Variants in TRDN observed in about 807,000 individuals in gnomAD.
The protein encoded by TRDN is triadin, also known as triadin in skeletal muscle.
Under a neutral mutation model 149.7 loss-of-function variants are expected in TRDN, and 161 were observed. The ratio of observed to expected loss-of-function variants is 1.08; its 90% CI spans 0.95 to 1.23. TRDN has a LOEUF of 1.23. Among genes scored for constraint, TRDN ranks in the 50% most tolerant of loss-of-function variants. TRDN has a pLI of 0.00. For missense variants in TRDN, 896 were observed against 823.5 expected (o/e 1.09, Z -1.08); for synonymous variants, 294 against 250.5 (o/e 1.17, Z -1.64).
At chr6:123,342,695 G>T (rs1211468384) in intron 21 of TRDN, among the ~76,000 whole-genome samples, 3 of 151,892 alleles carry the variant, frequency 2.0e-5, no homozygotes, top group African/African-American at 4.8e-5. Context: ...TTGAACCCAG[G>T]TTATGAGATG....
At chr6:123,498,089 C>G (rs1465571941) in intron 8 of TRDN, 10 of 156,452 alleles carry the variant, frequency 6.4e-5, no homozygotes, top group Non-Finnish European at 1.1e-4. Context: ...ATTGATGAAT[C>G]TTTACCGTAT....
At chr6:123,307,825 T>G (rs576167349) in intron 24 of TRDN, among the ~76,000 whole-genome samples, 2 of 152,180 alleles carry the variant, frequency 1.3e-5, no homozygotes, top group African/African-American at 4.8e-5. Context: ...TTCTCGGTTC[T>G]TTTCTTTTTT....
intron 23 of TRDN, among the ~76,000 whole-genome samples, chr6:123,329,983 C>T (rs6907537): frequency 0.02 from 2,992 of 151,986 alleles, 108 homozygotes; most frequent in African/African-American, 0.068. Flanking sequence ...TATATGTTGC[C>T]CCTGTCCCCA....
chr6:123,288,204 T>C (rs1025826559), intron 24 of TRDN, among the ~76,000 whole-genome samples: 17 of 152,120 alleles, frequency 1.1e-4, no homozygotes, highest in African/African-American at 2.2e-4. Flanking sequence ...GAGAAAGAAA[T>C]TGGGCTCTTA....
chr6:123,531,766 TTTTG>T, intron 4 of TRDN, among the ~76,000 whole-genome samples: 1 of 152,176 alleles, frequency 6.6e-6, no homozygotes, highest in East Asian at 1.9e-4. Context: ...TCTCTCACCA[TTTTG>T]TTTATTTCTT....
At chr6:123,393,419 C>T (rs1269113065) in intron 13 of TRDN, among the ~76,000 whole-genome samples, 1 of 151,948 alleles carries the variant, frequency 6.6e-6, no homozygotes, top group Admixed American at 6.6e-5. Flanking sequence ...TCAGCAGTTC[C>T]TCTGCAAATT....
rs1186052488 is a variant in TRDN at position 123,393,628 on chromosome 6, T to C, written c.1101A>G (p.Ala367=). Residue 367 remains alanine (A), a synonymous_variant, in exon 13 of 41, where the codon GCA becomes GCG. Transcript: ENST00000334268. ...ETKQGTVKIA[A]QAAAKKDEKK... Reference sequence around the variant, plus strand: ...TTAAAGTGTTTTATTGCTTACCTTGTGCTGCAATTTTTACAGTCCCTTGTT... The same window carrying C: ...TTAAAGTGTTTTATTGCTTACCTTGCGCTGCAATTTTTACAGTCCCTTGTT... 3.3e-5 allele frequency: 53 copies of C among 1,603,972 alleles called. No individual in the cohort carries two copies. The highest frequency in any genetic ancestry group is 4.4e-5 in the Non-Finnish European group (52 of 1,174,404).
chr6:123,340,987 C>A (rs1321279056), intron 21 of TRDN, among the ~76,000 whole-genome samples: 1 of 151,788 alleles, frequency 6.6e-6, no homozygotes, highest in African/African-American at 2.4e-5. Context: ...ACATGAATGT[C>A]TCTTTGTTTT....
At chr6:123,509,728 T>A (rs1779083516) in intron 7 of TRDN, 1 of 152,126 alleles carries the variant, frequency 6.6e-6, no homozygotes, top group South Asian at 2.1e-4. Context: ...TGTGAGATAA[T>A]AAATGTGCAT....
rs191727655 is a variant in TRDN, at chr6:123,419,707, T to A, written c.1051+18356A>T. Among the ~76,000 whole-genome samples the A allele has an allele frequency of 9.7e-4, 147 of 152,252 alleles. 2 individuals are homozygous for A. In the South Asian group the frequency reaches 0.022, roughly 23 times the overall value. On this transcript the variant is annotated intron_variant, in intron 12 of 40. Transcript: ENST00000334268. ...CACAATCATCCACACTGGACATCTC[T>A]GAGAATAAAAGAAAGTGTGATGAAT...
intron 12 of TRDN, among the ~76,000 whole-genome samples, chr6:123,428,685 T>C (rs1774219784): frequency 6.6e-6 from 1 of 152,188 alleles, no homozygotes; most frequent in African/African-American, 2.4e-5. Flanking sequence ...GTCAAATACC[T>C]AATTACATAG....
intron 1 of TRDN, among the ~76,000 whole-genome samples, chr6:123,595,600 C>T (rs748894635): frequency 9.9e-5 from 15 of 152,134 alleles, no homozygotes; most frequent in Middle Eastern, 3.2e-3. Flanking sequence ...CCAGCAAGTC[C>T]ATTGGCATCA....
chr6:123,461,146 G>C (rs569412590), intron 10 of TRDN, among the ~76,000 whole-genome samples: 1 of 151,950 alleles, frequency 6.6e-6, no homozygotes, highest in African/African-American at 2.4e-5. Context: ...AAGCATAGAG[G>C]GACTTTAGAG....
intron 4 of TRDN, among the ~76,000 whole-genome samples, chr6:123,533,521 G>C (rs1173544210): frequency 5.3e-5 from 8 of 152,012 alleles, no homozygotes; most frequent in Non-Finnish European, 1.2e-4. Flanking sequence ...ATCATAGTAG[G>C]GTTTCCTGCA....
chr6:123,319,297 C>T (rs905061193), intron 23 of TRDN, among the ~76,000 whole-genome samples: 9 of 151,514 alleles, frequency 5.9e-5, no homozygotes, highest in East Asian at 5.8e-4. Flanking sequence ...AAAGTGGCAA[C>T]GGATTTTCTA....
chr6:123,242,207 C>T (rs1776014934), intron 38 of TRDN, among the ~76,000 whole-genome samples: 1 of 152,044 alleles, frequency 6.6e-6, no homozygotes, highest in Admixed American at 6.6e-5. Flanking sequence ...CACATTTTGC[C>T]TTTGGGCAAG....
chr6:123,585,092 A>G (rs915738232), intron 1 of TRDN, among the ~76,000 whole-genome samples: 12 of 151,422 alleles, frequency 7.9e-5, no homozygotes, highest in East Asian at 3.9e-4. Context: ...TAAGGGGTGC[A>G]TGATCGGTTG....
chr6:123,584,750 G>C (rs543524656), intron 1 of TRDN, among the ~76,000 whole-genome samples: 110 of 152,216 alleles, frequency 7.2e-4, no homozygotes, highest in Middle Eastern at 3.4e-3. Context: ...ATGAAGGGTG[G>C]AAAGGAATAG....
intron 38 of TRDN, among the ~76,000 whole-genome samples, chr6:123,241,742 A>G (rs1435897827): frequency 6.6e-6 from 1 of 152,080 alleles, no homozygotes; most frequent in African/African-American, 2.4e-5. Context: ...GGAGATGTCA[A>G]AGTTAAATTT....
Sources: gnomAD v4.1 joint callset for allele counts (sites outside exome capture counted in the v4.1 genomes callset) on GRCh38, gnomAD v4.1.1 for gene constraint, MANE v1.5 for transcripts, NCBI Gene and HGNC (gene_info 2026-07-23, HGNC 2026-07-21) for gene names.